INPP4B: variants seen among roughly 807,000 people sequenced by gnomAD.
INPP4B encodes inositol polyphosphate-4-phosphatase type II B.
INPP4B carries 55 observed loss-of-function variants against 122.5 expected under a neutral mutation model. The ratio of observed to expected loss-of-function variants is 0.45; its 90% CI spans 0.36 to 0.56. INPP4B has a LOEUF of 0.56. INPP4B is among the 20% of genes least tolerant of loss of function. The probability of loss-of-function intolerance (pLI) is 0.00; values close to 1 mark genes in which losing one functional copy is unlikely to be tolerated. For missense variants in INPP4B, 1,000 were observed against 1,097.7 expected (o/e 0.91, Z 1.26); for synonymous variants, 403 against 388.7 (o/e 1.04, Z -0.43).
chr4:142,621,912 A>C (rs956399093), intron 2 of INPP4B, among the ~76,000 whole-genome samples: 1 of 151,954 alleles, frequency 6.6e-6, no homozygotes, highest in Non-Finnish European at 1.5e-5. Context: ...AAAAAAATCT[A>C]CAGGCAAGTG....
chr4:142,111,269 G>A (rs1789882429), intron 22 of INPP4B, among the ~76,000 whole-genome samples: 2 of 152,020 alleles, frequency 1.3e-5, no homozygotes, highest in African/African-American at 4.8e-5. Context: ...GCCTGTGAAG[G>A]AACTTCTCCA....
At chr4:142,536,239 C>CAA (rs55808899) in intron 2 of INPP4B, among the ~76,000 whole-genome samples, 117,095 of 151,954 alleles carry the variant, frequency 0.77, 47,042 homozygotes, top group Middle Eastern at 0.9. Flanking sequence ...TGAAATTGAA[C>CAA]AGTCTTATAT....
chr4:142,595,349 A>G (rs1039223284), intron 2 of INPP4B, among the ~76,000 whole-genome samples: 1 of 152,070 alleles, frequency 6.6e-6, no homozygotes, highest in Non-Finnish European at 1.5e-5. Flanking sequence ...GCTACCAATT[A>G]ATATATTAAT....
At chr4:142,255,670 T>C (rs953962901) in intron 11 of INPP4B, among the ~76,000 whole-genome samples, 1 of 152,116 alleles carries the variant, frequency 6.6e-6, no homozygotes, top group African/African-American at 2.4e-5. Context: ...TAAATATATA[T>C]ATACCCAATA....
chr4:142,777,746 A>C (rs1445459903), intron 1 of INPP4B, among the ~76,000 whole-genome samples: 1 of 152,178 alleles, frequency 6.6e-6, no homozygotes, highest in Non-Finnish European at 1.5e-5. Flanking sequence ...ACATCCCCCA[A>C]GCCTAAATCT....
At chr4:142,243,143 A>G (rs1217294048) in intron 11 of INPP4B, among the ~76,000 whole-genome samples, 1 of 152,208 alleles carries the variant, frequency 6.6e-6, no homozygotes, top group Non-Finnish European at 1.5e-5. Flanking sequence ...AATCAGGGAA[A>G]AGATTAACCG....
chr4:142,148,817 C>T (rs1212846232), intron 17 of INPP4B, among the ~76,000 whole-genome samples: 1 of 152,050 alleles, frequency 6.6e-6, no homozygotes. Context: ...TAAAGGGTTA[C>T]ATATATGGTA....
intron 1 of INPP4B, among the ~76,000 whole-genome samples, chr4:142,840,634 T>C (rs181461051): frequency 1.6e-3 from 250 of 152,280 alleles, no homozygotes; most frequent in African/African-American, 5.9e-3. Flanking sequence ...CACTATGATG[T>C]AAATAAATTA....
chr4:142,263,667 T>TAG (rs1215874657), intron 10 of INPP4B, among the ~76,000 whole-genome samples: 1 of 103,416 alleles, frequency 9.7e-6, no homozygotes, highest in African/African-American at 4.1e-5. Context: ...TATATATATA[T>TAG]ATATATATAT....
chr4:142,819,929 C>T (rs367994086), intron 1 of INPP4B, among the ~76,000 whole-genome samples: 26 of 152,160 alleles, frequency 1.7e-4, no homozygotes, highest in African/African-American at 6.3e-4. Flanking sequence ...CTGCCTCGAG[C>T]CGAGGCTAAA....
intron 2 of INPP4B, among the ~76,000 whole-genome samples, chr4:142,631,202 G>A (rs1747875006): frequency 6.6e-6 from 1 of 151,988 alleles, no homozygotes; most frequent in Non-Finnish European, 1.5e-5. Context: ...TGTTCAAAGA[G>A]ACAGAAGGAC....
chr4:142,398,860 C>T (rs1800629052), intron 7 of INPP4B, among the ~76,000 whole-genome samples: 1 of 152,068 alleles, frequency 6.6e-6, no homozygotes, highest in Non-Finnish European at 1.5e-5. Context: ...GAGAAACGCT[C>T]GGTGTCTACT....
intron 12 of INPP4B, among the ~76,000 whole-genome samples, chr4:142,227,854 TC>T (rs1852235806): frequency 1.6e-5 from 1 of 64,088 alleles, no homozygotes; most frequent in Non-Finnish European, 2.6e-5. Context: ...GGAGACTCTA[TC>T]TAAAAAAAAA....
At chr4:142,375,020 AT>A (rs1484532417) in intron 7 of INPP4B, among the ~76,000 whole-genome samples, 2 of 151,892 alleles carry the variant, frequency 1.3e-5, no homozygotes, top group Non-Finnish European at 2.9e-5. Context: ...CTGTGTGTTC[AT>A]TCACACTCCT....
chr4:142,468,441 T>C (rs555678745), intron 2 of INPP4B, among the ~76,000 whole-genome samples: 36 of 152,312 alleles, frequency 2.4e-4, no homozygotes, highest in African/African-American at 8.2e-4. Context: ...ATATGGCTGC[T>C]ATGATTCGGA....
intron 2 of INPP4B, among the ~76,000 whole-genome samples, chr4:142,649,066 C>A (rs1464425923): frequency 6.6e-6 from 1 of 152,176 alleles, no homozygotes. Context: ...GCTGGTGATA[C>A]CCAGGCAAAC....
At chr4:142,236,179 T>C (rs1856635335) in intron 12 of INPP4B, among the ~76,000 whole-genome samples, 1 of 152,204 alleles carries the variant, frequency 6.6e-6, no homozygotes, top group South Asian at 2.1e-4. Flanking sequence ...TCTTCAACCC[T>C]TCAGGATAAA....
chr4:142,617,195 T>A (rs997657090), intron 2 of INPP4B, among the ~76,000 whole-genome samples: 1 of 152,144 alleles, frequency 6.6e-6, no homozygotes, highest in Non-Finnish European at 1.5e-5. Flanking sequence ...ATTCAGTGGC[T>A]TTCCTGGAAT....
At chr4:142,445,296 A>G (rs929121541) in intron 3 of INPP4B, among the ~76,000 whole-genome samples, 6 of 142,156 alleles carry the variant, frequency 4.2e-5, no homozygotes, top group African/African-American at 8.4e-5. Flanking sequence ...AGTCTAGTAC[A>G]TATGTTATTT....
Sources: allele counts gnomAD v4.1 joint callset (sites outside exome capture counted in the v4.1 genomes callset), GRCh38; gene constraint gnomAD v4.1.1; transcripts MANE v1.5; gene names NCBI Gene and HGNC (gene_info 2026-07-23, HGNC 2026-07-21).